The following UNC45B variants were observed in gnomAD, a reference collection of about 807,000 sequenced individuals.
The protein encoded by UNC45B is unc-45 myosin chaperone B, also known as protein unc-45 homolog B.
In UNC45B, 78 loss-of-function variants were observed where a neutral mutation model predicts 98.7. The observed-to-expected ratio is 0.79, with a 90% CI of 0.66 to 0.95. The LOEUF (loss-of-function observed/expected upper bound fraction) is 0.95, where lower values mean the gene tolerates loss of function less well. UNC45B is among the 40% of genes least tolerant of loss of function. UNC45B has a pLI of 0.00. For missense variants in UNC45B, 1,225 were observed against 1,184.9 expected, an observed-to-expected ratio of 1.03 and a Z score of -0.50; for synonymous variants, 462 against 480.4, an observed-to-expected ratio of 0.96 and a Z score of 0.50.
rs551382953 is a variant in UNC45B, at chr17:35,172,869, C to T, written c.1831-1373C>T. On this transcript the variant is annotated intron_variant, in intron 13 of 19. Coordinates refer to ENST00000394570, the MANE Select transcript of UNC45B (RefSeq NM_001267052.2). ...GCATCATTTAGTCTTTTGGATTATC[C>T]GTCTTTTATTTCATTCCTCTGTGAA... Among the ~76,000 whole-genome samples the T allele has an allele frequency of 2.6e-5, 4 of 152,260 alleles. No individual in the cohort carries two copies. In the South Asian group the frequency reaches 6.2e-4, roughly 24 times the overall value.
At chr17:35,159,179 C>A (rs778858338) in intron 7 of UNC45B, among the ~76,000 whole-genome samples, 196 bp from the exon 8 acceptor site, 3 of 152,094 alleles carry the variant, frequency 2.0e-5, no homozygotes, top group African/African-American at 7.2e-5. Context: ...GCTGGAGGAC[C>A]ACTTGGGGGT....
At chr17:35,183,000 C>T (rs2092282800) in intron 18 of UNC45B, among the ~76,000 whole-genome samples, 1 of 151,896 alleles carries the variant, frequency 6.6e-6, no homozygotes, top group Non-Finnish European at 1.5e-5. Context: ...ACCAAGCAAA[C>T]CACATAATTG....
At chr17:35,170,529 T>TAAAAAAAA (rs35208483) in intron 12 of UNC45B, among the ~76,000 whole-genome samples, 1 of 70,082 alleles carries the variant, frequency 1.4e-5, no homozygotes, top group Non-Finnish European at 2.7e-5. Flanking sequence ...CTGAGGCAGC[T>TAAAAAAAA]AAAAAAAAAA....
intron 4 of UNC45B, 96 bp from the exon 5 acceptor site, chr17:35,152,797 A>T: frequency 1.1e-6 from 1 of 908,166 alleles, no homozygotes; most frequent in Non-Finnish European, 1.9e-6. Flanking sequence ...GGGAGCCCAG[A>T]GTAGACACCT....
intron 15 of UNC45B, 26 bp downstream of exon 15, chr17:35,176,060 A>G: frequency 6.2e-7 from 1 of 1,612,654 alleles, no homozygotes; most frequent in Non-Finnish European, 8.5e-7. Context: ...CCTTCCTAGA[A>G]GGTGCCTTTG....
intron 13 of UNC45B, among the ~76,000 whole-genome samples, chr17:35,173,835 C>T (rs1426445453): frequency 7.8e-6 from 1 of 127,688 alleles, no homozygotes; most frequent in African/African-American, 2.8e-5. Flanking sequence ...TTTTTTTATA[C>T]AGAGTCTCGC....
chr17:35,149,636 C>T (rs753472423), intron 3 of UNC45B, among the ~76,000 whole-genome samples: 18 of 152,168 alleles, frequency 1.2e-4, no homozygotes, highest in Non-Finnish European at 2.4e-4. Flanking sequence ...AGGCTGGTCT[C>T]GAACTCCTGA....
intron 6 of UNC45B, 144 bp downstream of exon 6, chr17:35,154,885 T>G (rs982671877): frequency 1.2e-5 from 12 of 983,996 alleles, no homozygotes; most frequent in Middle Eastern, 3.3e-4. Context: ...TCCCTTTCAG[T>G]TGGAAATGGG....
chr17:35,155,320 C>T lies in UNC45B; in HGVS notation c.664C>T (p.Arg222Trp), dbSNP rs200208385. The T allele has an allele frequency of 6.5e-5, 105 of 1,613,944 alleles. No homozygotes were observed. The highest frequency in any genetic ancestry group is 8.4e-5 in the Non-Finnish European group (99 of 1,180,012). ...ARATVILHAVRIDRICSLMAV... is the reference protein window; with the variant it reads ...ARATVILHAVWIDRICSLMAV... ...GGCCACAGTGATTCTGCATGCAGTGCGGATAGACCGAATCTGTAGCCTCAT... is the reference window on the plus strand; with the variant it reads ...GGCCACAGTGATTCTGCATGCAGTGTGGATAGACCGAATCTGTAGCCTCAT... The change falls in exon 7 of 20, where the codon CGG (arginine) becomes TGG (tryptophan). Residue 222 changes from arginine to tryptophan, a missense_variant. Coordinates refer to ENST00000394570, the MANE Select transcript of UNC45B (RefSeq NM_001267052.2).
chr17:35,173,212 G>A (rs1244637062), intron 13 of UNC45B, among the ~76,000 whole-genome samples: 9 of 141,312 alleles, frequency 6.4e-5, no homozygotes, highest in Non-Finnish European at 1.0e-4. Context: ...TGCAACCTCC[G>A]CCTCTTGGGC....
chr17:35,165,843 G>A (rs1011499307), intron 9 of UNC45B, among the ~76,000 whole-genome samples: 1 of 152,004 alleles, frequency 6.6e-6, no homozygotes, highest in African/African-American at 2.4e-5. Context: ...GGAGGCTGAG[G>A]CAGAAGAATC....
At chr17:35,183,669 A>G in intron 19 of UNC45B, 87 bp downstream of exon 19, 1 of 1,333,392 alleles carries the variant, frequency 7.5e-7, no homozygotes, top group Non-Finnish European at 9.7e-7. Context: ...TCCTCTGGGG[A>G]GGCCAACTCC....
chr17:35,176,982 C>T, intron 15 of UNC45B, 35 bp from the exon 16 acceptor site: 2 of 1,561,946 alleles, frequency 1.3e-6, no homozygotes, highest in South Asian at 1.1e-5. Context: ...CTCTGGATGT[C>T]TGTGACTAAG....
chr17:35,163,927 T>C (rs910831938), intron 8 of UNC45B, 68 bp from the exon 9 acceptor site: 1 of 1,464,390 alleles, frequency 6.8e-7, no homozygotes, highest in Admixed American at 2.3e-5. Context: ...AACAAGTCAC[T>C]GAGTGAGGGG....
chr17:35,176,655 G>A (rs1299321224), intron 15 of UNC45B, among the ~76,000 whole-genome samples: 1 of 152,134 alleles, frequency 6.6e-6, no homozygotes, highest in Admixed American at 6.5e-5. Flanking sequence ...AGTCCAGCCT[G>A]GGCAGCAAGA....
chr17:35,169,125 C>T (rs1366616872), intron 10 of UNC45B, among the ~76,000 whole-genome samples: 2 of 152,062 alleles, frequency 1.3e-5, no homozygotes, highest in African/African-American at 2.4e-5. Flanking sequence ...CTGCAACCAC[C>T]GCCTCCTGGG....
rs1051974344 is a variant in UNC45B at position 35,153,670 on chromosome 17, GATAAA to G, written c.471+694_471+698del. 2.5e-4 allele frequency among the ~76,000 whole-genome samples: 37 copies of G among 150,240 alleles called. No individual in the cohort carries two copies. In the Middle Eastern group the frequency reaches 0.014, roughly 57 times the overall value. On this transcript the variant is annotated intron_variant, in intron 5 of 19. Transcript: ENST00000394570. ...TGTGAGAACATAATAAGTTGTTATAGATAAAATAAAGTTTTTTGGTTTGTTTTTTT... is the reference window on the plus strand; with the variant it reads ...TGTGAGAACATAATAAGTTGTTATAGATAAAGTTTTTTGGTTTGTTTTTTT...
intron 6 of UNC45B, among the ~76,000 whole-genome samples, chr17:35,154,969 C>A (rs1237303953): frequency 6.6e-6 from 1 of 152,256 alleles, no homozygotes; most frequent in East Asian, 1.9e-4. Context: ...TGATATTTTA[C>A]ATTTTTTCAT....
At position 35,168,354 on chromosome 17, in the gene UNC45B, C is replaced by T; in HGVS notation, c.1445C>T (p.Thr482Ile). 1.5e-6 allele frequency: 2 copies of T among 1,355,302 alleles called. No homozygotes were observed. Among genetic ancestry groups the T allele is most frequent in the East Asian group, 2.7e-5 (1 of 36,564 alleles). 84.0% of individuals were successfully genotyped at this position (1,355,302 alleles called of 1,614,324 possible). A position where few individuals can be genotyped will look rare whatever the true frequency, so the allele number is the denominator to read the frequency against. ...AAAAATGAGAAGATCAAGATCCGCA[C>T]ACTGGTGGTGAGTGGGCTCGGTACC... ...TTKNEKIKIRTLVGLCKLGSA... is the reference protein window; with the variant it reads ...TTKNEKIKIRILVGLCKLGSA... Residue 482 changes from threonine to isoleucine, a missense_variant, in exon 10 of 20, where the codon ACA becomes ATA. Transcript: ENST00000394570.
Sources: gnomAD v4.1 joint callset for allele counts (sites outside exome capture counted in the v4.1 genomes callset) on GRCh38, gnomAD v4.1.1 for gene constraint, MANE v1.5 for transcripts, NCBI Gene and HGNC (gene_info 2026-07-23, HGNC 2026-07-21) for gene names.